Variants in ASTN1 observed in about 807,000 individuals in gnomAD.
The protein encoded by ASTN1 is astrotactin-1.
In ASTN1, 41 loss-of-function variants were observed where a neutral mutation model predicts 140.7. The ratio of observed to expected loss-of-function variants is 0.29; its 90% CI spans 0.23 to 0.38. ASTN1 has a LOEUF of 0.38. ASTN1 is among the 10% of genes least tolerant of loss of function. The pLI is 1.00. For missense variants in ASTN1, 1,479 were observed against 1,678.8 expected (o/e 0.88, Z 2.08); for synonymous variants, 640 against 652.2 (o/e 0.98, Z 0.29).
intron 8 of ASTN1, among the ~76,000 whole-genome samples, chr1:177,013,441 T>C (rs1250277864): frequency 6.6e-6 from 1 of 152,174 alleles, no homozygotes; most frequent in Non-Finnish European, 1.5e-5. Flanking sequence ...CAGAGTTGAG[T>C]TCTTCTATCC....
At chr1:176,976,607 T>G (rs188935442) in intron 8 of ASTN1, 1 of 152,264 alleles carries the variant, frequency 6.6e-6, no homozygotes, top group South Asian at 2.1e-4. Context: ...TTCATGCAAC[T>G]GATACAGCTA....
intron 2 of ASTN1, among the ~76,000 whole-genome samples, chr1:177,047,140 A>G (rs1411611850): frequency 6.6e-6 from 1 of 152,238 alleles, no homozygotes; most frequent in Non-Finnish European, 1.5e-5. Flanking sequence ...AGGATGATGC[A>G]GAAATATGCA....
At position 176,943,872 on chromosome 1, in the gene ASTN1, G is replaced by A. The variant is rs1474283243; in HGVS notation, c.2377+19C>T. The stretch of plus-strand genomic sequence containing the variant: ...TGCCTGTTTGTGCCAGTTGAATAAG[G>A]TTGAGAAGGCACACTCACCAGTCAG... On this transcript the variant is annotated intron_variant, in intron 14 of 22. Coordinates refer to ENST00000361833, the MANE Select transcript of ASTN1 (RefSeq NM_004319.3). 3 of 1,582,934 alleles carry A rather than the reference G, an allele frequency of 1.9e-6. No individual in the cohort carries two copies. The highest frequency in any genetic ancestry group is 1.4e-5 in the African/African-American group (1 of 73,694).
intron 17 of ASTN1, among the ~76,000 whole-genome samples, chr1:176,891,559 C>T (rs183795636): frequency 8.3e-4 from 126 of 152,232 alleles, no homozygotes; most frequent in African/African-American, 2.6e-3. Flanking sequence ...TTTCGGAGGT[C>T]GAGGCTGGCG....
intron 7 of ASTN1, among the ~76,000 whole-genome samples, chr1:177,016,987 C>T (rs7525302): frequency 0.35 from 53,046 of 152,092 alleles, 10,048 homozygotes; most frequent in Non-Finnish European, 0.43. Flanking sequence ...CTCGGCTAGA[C>T]GCCTTGCCTA....
chr1:176,909,746 G>T (rs972647158), intron 16 of ASTN1, among the ~76,000 whole-genome samples: 1 of 152,050 alleles, frequency 6.6e-6, no homozygotes, highest in South Asian at 2.1e-4. Flanking sequence ...AAGATTTCTA[G>T]ATTCTTTTTA....
chr1:177,158,358 A>G (rs1683330963), intron 1 of ASTN1, among the ~76,000 whole-genome samples: 1 of 152,170 alleles, frequency 6.6e-6, no homozygotes, highest in Non-Finnish European at 1.5e-5. Context: ...TATTGAAATA[A>G]TTTTTTTAAA....
intron 1 of ASTN1, among the ~76,000 whole-genome samples, chr1:177,158,631 T>C (rs1444736295): frequency 6.6e-6 from 1 of 151,368 alleles, no homozygotes; most frequent in Non-Finnish European, 1.5e-5. Flanking sequence ...TAATTACATT[T>C]CTAAGAAAAG....
chr1:177,033,123 C>CTGTGTGTGTGTGTGTGTGTGTGTGTGTG (rs10603141), intron 2 of ASTN1, among the ~76,000 whole-genome samples: 1 of 146,234 alleles, frequency 6.8e-6, no homozygotes, highest in African/African-American at 2.5e-5. Context: ...AGAAACAAGT[C>CTGTGTGTGTGTGTGTGTGTGTGTGTGTG]TGTGTGTGTG....
At chr1:177,032,940 C>A in intron 2 of ASTN1, 91 bp from the exon 3 acceptor site, 2 of 1,361,168 alleles carry the variant, frequency 1.5e-6, no homozygotes, top group Non-Finnish European at 2.0e-6. Flanking sequence ...CCATTCATCA[C>A]TTATTTATGC....
intron 11 of ASTN1, among the ~76,000 whole-genome samples, chr1:176,950,764 T>C (rs1672159565): frequency 6.6e-6 from 1 of 152,098 alleles, no homozygotes; most frequent in Non-Finnish European, 1.5e-5. Context: ...ACTCCAATGC[T>C]GGGGCTTTTA....
intron 20 of ASTN1, among the ~76,000 whole-genome samples, chr1:176,879,749 G>A (rs1188794370): frequency 6.6e-6 from 1 of 152,238 alleles, no homozygotes; most frequent in East Asian, 1.9e-4. Context: ...ACTTTTAGTA[G>A]TGTATTTTAT....
At chr1:177,091,015 A>G (rs1284826182) in intron 1 of ASTN1, among the ~76,000 whole-genome samples, 4 of 152,134 alleles carry the variant, frequency 2.6e-5, no homozygotes, top group Non-Finnish European at 5.9e-5. Flanking sequence ...GTCCTGCTTG[A>G]TAACAAAGGA....
At chr1:177,010,384 T>G (rs1034127989) in intron 8 of ASTN1, among the ~76,000 whole-genome samples, 2 of 152,196 alleles carry the variant, frequency 1.3e-5, no homozygotes, top group African/African-American at 2.4e-5. Context: ...GTCCTGTGCC[T>G]GGCAGCAGGG....
intron 8 of ASTN1, among the ~76,000 whole-genome samples, chr1:176,967,899 A>G (rs903858304): frequency 2.0e-5 from 3 of 151,996 alleles, no homozygotes; most frequent in Admixed American, 1.3e-4. Context: ...TGCAGTGTAG[A>G]CCCCACCCTG....
chr1:177,077,578 G>A (rs566442458), intron 1 of ASTN1, among the ~76,000 whole-genome samples: 1 of 152,258 alleles, frequency 6.6e-6, no homozygotes, highest in East Asian at 1.9e-4. Flanking sequence ...TCACTTTAAC[G>A]ATTTCTCCTT....
chr1:177,163,197 T>C (rs1482866111), intron 1 of ASTN1, among the ~76,000 whole-genome samples: 1 of 152,126 alleles, frequency 6.6e-6, no homozygotes, highest in Non-Finnish European at 1.5e-5. Flanking sequence ...GTTGGTAGGG[T>C]ATCAAGTAAA....
In ASTN1 at chr1:177,069,607, T is replaced by C. The variant is rs909901465; in HGVS notation, c.284-8342A>G. Among the ~76,000 whole-genome samples the C allele has an allele frequency of 8.5e-5, 13 of 152,272 alleles. No homozygotes were observed. In the South Asian group the frequency reaches 1.0e-3, roughly 12 times the overall value. On this transcript the variant is annotated intron_variant, in intron 1 of 22. Coordinates refer to ENST00000361833, the MANE Select transcript of ASTN1 (RefSeq NM_004319.3). ...TAGGTCACTCTACGCTACTCTGTAC[T>C]GGCATGAATAGCAATCGAGCAACTA...
At chr1:177,158,655 C>CAT (rs977645836) in intron 1 of ASTN1, among the ~76,000 whole-genome samples, 7 of 142,612 alleles carry the variant, frequency 4.9e-5, no homozygotes, top group East Asian at 4.1e-4. Context: ...GAAAAAAGTA[C>CAT]GTGTGTGTGT....
Sources: allele counts gnomAD v4.1 joint callset (sites outside exome capture counted in the v4.1 genomes callset), GRCh38; gene constraint gnomAD v4.1.1; transcripts MANE v1.5; gene names NCBI Gene and HGNC (gene_info 2026-07-23, HGNC 2026-07-21).